The following ASIC2 variants were observed in gnomAD, a reference collection of about 807,000 sequenced individuals.
The protein encoded by ASIC2 is acid-sensing ion channel 2.
Under a neutral mutation model 57.3 loss-of-function variants are expected in ASIC2, and 25 were observed. The observed-to-expected ratio is 0.44, with a 90% CI of 0.32 to 0.61. The LOEUF (loss-of-function observed/expected upper bound fraction) is 0.61, where lower values mean the gene tolerates loss of function less well. Ranked by LOEUF, ASIC2 falls within the 20% of genes least tolerant of loss-of-function variation. ASIC2 has a pLI of 0.06. For synonymous variants in ASIC2, 319 were observed against 307.5 expected, an observed-to-expected ratio of 1.04 and a Z score of -0.39; for missense variants, 641 against 738.1, an observed-to-expected ratio of 0.87 and a Z score of 1.52.
chr17:33,993,911 G>A (rs1341001075), intron 1 of ASIC2, among the ~76,000 whole-genome samples: 2 of 152,156 alleles, frequency 1.3e-5, no homozygotes, highest in Non-Finnish European at 2.9e-5. Flanking sequence ...TGCTTGGCAT[G>A]TGTCTGCCTT....
chr17:33,213,230 GC>G (rs1907345807), intron 1 of ASIC2, among the ~76,000 whole-genome samples: 1 of 152,218 alleles, frequency 6.6e-6, no homozygotes, highest in Admixed American at 6.5e-5. Flanking sequence ...GGCTGCCAGG[GC>G]CAGGAGGTGG....
chr17:33,438,741 T>C (rs1433801474), intron 1 of ASIC2, among the ~76,000 whole-genome samples: 2 of 152,034 alleles, frequency 1.3e-5, no homozygotes, highest in Non-Finnish European at 2.9e-5. Flanking sequence ...GGCTCCTTTG[T>C]CGTTAGAGAG....
chr17:33,874,423 T>G (rs1475491718), intron 1 of ASIC2, among the ~76,000 whole-genome samples: 1 of 152,260 alleles, frequency 6.6e-6, no homozygotes, highest in East Asian at 1.9e-4. Flanking sequence ...AATTATTTGT[T>G]ATTTATCTGA....
intron 1 of ASIC2, among the ~76,000 whole-genome samples, chr17:34,041,004 C>T (rs1908109621): frequency 6.6e-6 from 1 of 152,086 alleles, no homozygotes; most frequent in African/African-American, 2.4e-5. Flanking sequence ...AGATGGAGAT[C>T]CAAATGTTGC....
At chr17:33,454,068 T>G (rs879476657) in intron 1 of ASIC2, among the ~76,000 whole-genome samples, 2 of 152,248 alleles carry the variant, frequency 1.3e-5, no homozygotes, top group South Asian at 2.1e-4. Context: ...AAGAAATCTG[T>G]GATGTGCATT....
rs117300109 is a variant in ASIC2 at position 33,674,800 on chromosome 17, G to A, written c.555+481178C>T. ...ATGTTGCTCTCTTCTGCTCTCTGCC[G>A]GCCGAATGTAGTGTAGCACAAAGAG... On this transcript the variant is annotated intron_variant, in intron 1 of 9. Transcript: ENST00000359872. Among the ~76,000 whole-genome samples, 337 of 152,254 alleles carry A rather than the reference G, an allele frequency of 2.2e-3. 6 individuals are homozygous for A. Among genetic ancestry groups the A allele is most frequent in the East Asian group, 8.1e-3 (42 of 5,186 alleles).
intron 1 of ASIC2, among the ~76,000 whole-genome samples, chr17:34,150,702 T>TAG (rs1390738802): frequency 6.6e-6 from 1 of 152,100 alleles, no homozygotes; most frequent in Non-Finnish European, 1.5e-5. Context: ...GAGAGTAATT[T>TAG]AGATTATGGG....
intron 1 of ASIC2, among the ~76,000 whole-genome samples, chr17:33,541,865 C>T (rs1244439172): frequency 6.6e-6 from 1 of 152,170 alleles, no homozygotes; most frequent in Non-Finnish European, 1.5e-5. Flanking sequence ...TTTGCTTGGT[C>T]TAGTGCAGGG....
At chr17:33,944,347 C>T (rs1556737) in intron 1 of ASIC2, among the ~76,000 whole-genome samples, 51,472 of 152,100 alleles carry the variant, frequency 0.34, 8,816 homozygotes, top group African/African-American at 0.37. Flanking sequence ...GGAGAAACAG[C>T]GCCAGTTTAG....
At chr17:33,509,768 G>A (rs1373408976) in intron 1 of ASIC2, among the ~76,000 whole-genome samples, 1 of 152,196 alleles carries the variant, frequency 6.6e-6, no homozygotes, top group Non-Finnish European at 1.5e-5. Flanking sequence ...ACTGAAAGCT[G>A]AATATAGCCC....
intron 1 of ASIC2, among the ~76,000 whole-genome samples, chr17:33,607,789 T>C (rs892401513): frequency 6.6e-6 from 1 of 152,164 alleles, no homozygotes; most frequent in Non-Finnish European, 1.5e-5. Context: ...TGGCTGAGAA[T>C]GAGGCTACCT....
At chr17:34,099,471 AGAAAGG>A (rs1330148246) in intron 1 of ASIC2, among the ~76,000 whole-genome samples, 15 of 147,980 alleles carry the variant, frequency 1.0e-4, no homozygotes, top group Non-Finnish European at 1.6e-4. Flanking sequence ...AGAAAGAGAG[AGAAAGG>A]AAGGAAGGAG....
At chr17:33,388,458 C>T (rs562210569) in intron 1 of ASIC2, among the ~76,000 whole-genome samples, 5 of 152,324 alleles carry the variant, frequency 3.3e-5, no homozygotes, top group East Asian at 1.9e-4. Context: ...TACACCCATA[C>T]CACAGAGAAT....
chr17:33,060,841 C>A (rs1490619405), intron 3 of ASIC2, among the ~76,000 whole-genome samples: 2 of 152,070 alleles, frequency 1.3e-5, no homozygotes, highest in Non-Finnish European at 2.9e-5. Context: ...TTTCATTGAG[C>A]AGTGGTTTGT....
At chr17:33,685,555 C>T in intron 1 of ASIC2, among the ~76,000 whole-genome samples, 1 of 152,186 alleles carries the variant, frequency 6.6e-6, no homozygotes, top group Admixed American at 6.5e-5. Flanking sequence ...GCTGTGAAAT[C>T]CCAGACTCCA....
chr17:33,208,100 C>T (rs554224714), intron 1 of ASIC2, among the ~76,000 whole-genome samples: 22 of 152,280 alleles, frequency 1.4e-4, no homozygotes, highest in African/African-American at 4.8e-4. Context: ...AGGCTGTGTC[C>T]TATCCCCTGA....
chr17:33,196,302 A>G (rs1906624970), intron 1 of ASIC2, among the ~76,000 whole-genome samples: 3 of 148,210 alleles, frequency 2.0e-5, no homozygotes, highest in African/African-American at 7.9e-5. Flanking sequence ...AAAGTACACG[A>G]GACGATGATG....
chr17:33,921,132 C>T (rs868006345), intron 1 of ASIC2, among the ~76,000 whole-genome samples: 34 of 152,148 alleles, frequency 2.2e-4, no homozygotes, highest in African/African-American at 8.0e-4. Flanking sequence ...ATGACCCTCC[C>T]CACAGAGGGT....
At chr17:33,435,519 G>A (rs1406083326) in intron 1 of ASIC2, among the ~76,000 whole-genome samples, 1 of 152,074 alleles carries the variant, frequency 6.6e-6, no homozygotes, top group Non-Finnish European at 1.5e-5. Flanking sequence ...TAATTACCCA[G>A]GCCCTCCTAC....
Sources: allele counts gnomAD v4.1 joint callset (sites outside exome capture counted in the v4.1 genomes callset), GRCh38; gene constraint gnomAD v4.1.1; transcripts MANE v1.5; gene names NCBI Gene and HGNC (gene_info 2026-07-23, HGNC 2026-07-21).